TTC23L: variants seen among roughly 807,000 people sequenced by gnomAD.
TTC23L encodes the protein tetratricopeptide repeat protein 23-like.
A neutral mutation model predicts 48.1 loss-of-function variants in TTC23L; 42 were observed. The observed-to-expected ratio is 0.87, with a 90% confidence interval of 0.68 to 1.13. The LOEUF is 1.13. Among genes scored for constraint, TTC23L ranks in the 50% most tolerant of loss-of-function variants. The pLI is 0.00. For synonymous variants in TTC23L, 159 were observed against 157.2 expected, an observed-to-expected ratio of 1.01 and a Z score of -0.09; for missense variants, 391 against 421.0, an observed-to-expected ratio of 0.93 and a Z score of 0.62.
chr5:34,849,274 G>A (rs1267491379), intron 3 of TTC23L, among the ~76,000 whole-genome samples: 1 of 152,190 alleles, frequency 6.6e-6, no homozygotes, highest in Non-Finnish European at 1.5e-5. Flanking sequence ...GATAGTAGAT[G>A]TATTCTGCTG....
chr5:34,851,261 T>C (rs1001146340), intron 4 of TTC23L, among the ~76,000 whole-genome samples: 3 of 152,286 alleles, frequency 2.0e-5, no homozygotes, highest in African/African-American at 7.2e-5. Context: ...TTTATGGGCT[T>C]AAGTGATTTG....
intron 4 of TTC23L, among the ~76,000 whole-genome samples, chr5:34,851,483 A>G (rs1219825669): frequency 6.6e-6 from 1 of 152,204 alleles, no homozygotes; most frequent in Non-Finnish European, 1.5e-5. Flanking sequence ...CAGGTAGCTG[A>G]GATCACAGCA....
At chr5:34,895,036 G>GT (rs1165025266) in intron 9 of TTC23L, among the ~76,000 whole-genome samples, 1 of 152,194 alleles carries the variant, frequency 6.6e-6, no homozygotes, top group Non-Finnish European at 1.5e-5. Context: ...AGCATGAGCT[G>GT]TATTTGTAGA....
At chr5:34,922,322 T>G in the TTC23L span, 1 of 1,288,182 alleles carries the variant, frequency 7.8e-7, no homozygotes, top group Non-Finnish European at 1.1e-6. Context: ...GTTAAACTCA[T>G]TTAAGTGGAT....
chr5:34,903,105 T>C (rs1168821249), downstream of TTC23L, among the ~76,000 whole-genome samples: 1 of 152,156 alleles, frequency 6.6e-6, no homozygotes, highest in Admixed American at 6.5e-5. Flanking sequence ...CATAACACTG[T>C]GAAATAAAAT....
chr5:34,913,097 C>A, the TTC23L span, among the ~76,000 whole-genome samples: 1 of 152,266 alleles, frequency 6.6e-6, no homozygotes, highest in South Asian at 2.1e-4. Flanking sequence ...GGAGTCAGAA[C>A]TGGCTTTTGT....
At chr5:34,921,144 A>C in the TTC23L span, 3 of 152,184 alleles carry the variant, frequency 2.0e-5, no homozygotes, top group Admixed American at 6.5e-5. Flanking sequence ...TCCAGCCATA[A>C]GTTGTTAGGT....
At chr5:34,908,957 G>A in the TTC23L span, 1 of 1,593,974 alleles carries the variant, frequency 6.3e-7, no homozygotes. Flanking sequence ...ATCTGTAGAA[G>A]AAAAAATAAA....
the TTC23L span, among the ~76,000 whole-genome samples, chr5:34,909,647 G>C: frequency 9.9e-5 from 15 of 152,242 alleles, 1 homozygote; most frequent in South Asian, 3.1e-3. Flanking sequence ...CCTTAAGTCA[G>C]AAATATATAA....
intron 3 of TTC23L, 62 bp downstream of exon 3, chr5:34,845,735 G>A (rs1759062726): frequency 3.4e-6 from 5 of 1,482,932 alleles, no homozygotes; most frequent in Non-Finnish European, 4.5e-6. Context: ...GTTTAGAGAA[G>A]CTTTGCCTTC....
intron 4 of TTC23L, among the ~76,000 whole-genome samples, chr5:34,862,454 A>C (rs1191611121): frequency 1.3e-5 from 2 of 152,226 alleles, no homozygotes; most frequent in South Asian, 2.1e-4. Context: ...GGTAAGGGTC[A>C]GCTTCTATAA....
At chr5:34,854,609 G>T (rs1759970872) in intron 4 of TTC23L, among the ~76,000 whole-genome samples, 1 of 152,120 alleles carries the variant, frequency 6.6e-6, no homozygotes, top group Non-Finnish European at 1.5e-5. Context: ...TGTGTAGGCG[G>T]ATGTGTGTGT....
At chr5:34,922,109 G>A in the TTC23L span, 1 of 589,630 alleles carries the variant, frequency 1.7e-6, no homozygotes. Flanking sequence ...TAGCCTATTA[G>A]CCTGGTTAGG....
the TTC23L span, among the ~76,000 whole-genome samples, chr5:34,924,180 G>C: frequency 6.6e-6 from 1 of 152,218 alleles, no homozygotes; most frequent in Non-Finnish European, 1.5e-5. Flanking sequence ...TGAAGCAGGA[G>C]TTTGGCACGA....
At chr5:34,874,527 T>TA (rs1010515543) in intron 8 of TTC23L, among the ~76,000 whole-genome samples, 4 of 152,004 alleles carry the variant, frequency 2.6e-5, no homozygotes, top group African/African-American at 4.8e-5. Flanking sequence ...ACTGATATGC[T>TA]AAAAAGAGAA....
chr5:34,922,187 C>T, the TTC23L span: 1 of 1,267,286 alleles, frequency 7.9e-7, no homozygotes, highest in South Asian at 1.3e-5. Flanking sequence ...ATATTATCTA[C>T]TTCATTTTCC....
At chr5:34,878,605 A>G (rs928267955) in intron 8 of TTC23L, among the ~76,000 whole-genome samples, 20 of 152,212 alleles carry the variant, frequency 1.3e-4, no homozygotes, top group Non-Finnish European at 2.6e-4. Context: ...AGACTTACTA[A>G]AAAACCACAG....
chr5:34,912,077 T>C, the TTC23L span, among the ~76,000 whole-genome samples: 17 of 152,206 alleles, frequency 1.1e-4, no homozygotes, highest in Admixed American at 9.8e-4. Context: ...ACCTCAGAAA[T>C]AGCTTGTTGA....
chr5:34,855,079 A>G (rs1395014995), intron 4 of TTC23L, among the ~76,000 whole-genome samples: 1 of 152,136 alleles, frequency 6.6e-6, no homozygotes, highest in Non-Finnish European at 1.5e-5. Context: ...TAAGGAAGGA[A>G]AGTGCCACGT....
Sources: gnomAD v4.1 joint callset for allele counts (sites outside exome capture counted in the v4.1 genomes callset) on GRCh38, gnomAD v4.1.1 for gene constraint, MANE v1.5 for transcripts, NCBI Gene and HGNC (gene_info 2026-07-23, HGNC 2026-07-21) for gene names.